WNK1: variants seen among roughly 807,000 people sequenced by gnomAD.
WNK1 encodes WNK lysine deficient protein kinase 1.
Under a neutral mutation model 222.8 loss-of-function variants are expected in WNK1, and 38 were observed. The ratio of observed to expected loss-of-function variants is 0.17; its 90% confidence interval spans 0.13 to 0.22. The LOEUF is 0.22. Among genes scored for constraint, WNK1 ranks in the 10% least tolerant of loss-of-function variants. The pLI, the probability that WNK1 is intolerant of heterozygous loss-of-function variation, is 1.00. For synonymous variants in WNK1, 1,090 were observed against 1,092.9 expected (o/e 1.00, Z 0.05); for missense variants, 2,348 against 2,918.4 (o/e 0.80, Z 4.50).
intron 1 of WNK1, among the ~76,000 whole-genome samples, chr12:780,328 A>G (rs1309372477): frequency 6.6e-6 from 1 of 152,222 alleles, no homozygotes; most frequent in East Asian, 1.9e-4. Context: ...AGATACACTG[A>G]TCACAAAAAT....
chr12:776,756 G>A lies in WNK1; in HGVS notation c.759+22432G>A, dbSNP rs182026568. 4.6e-3 allele frequency among the ~76,000 whole-genome samples: 706 copies of A among 152,216 alleles called. 6 individuals are homozygous for A. The highest frequency in any genetic ancestry group is 0.016 in the African/African-American group (677 of 41,532). Reference sequence around the variant, plus strand: ...AGATCTTAATGTGTTCTTGCTCTGCGTGGTGTTTGTACCTGGGCTGGTGCT... The same window carrying A: ...AGATCTTAATGTGTTCTTGCTCTGCATGGTGTTTGTACCTGGGCTGGTGCT... On this transcript the variant is annotated intron_variant, in intron 1 of 27. Coordinates refer to ENST00000315939, the MANE Select transcript of WNK1 (RefSeq NM_018979.4).
Position 759,413 on chromosome 12 carries a change from C to G in WNK1, c.759+5089C>G, listed in dbSNP as rs1054251270. On this transcript the variant is annotated intron_variant, in intron 1 of 27. Transcript: ENST00000315939. ...TGGCGCGATCTCGGCTCACTGCAAC[C>G]TCCACCTCCCGGGTTCCAGCAATGC... Among the ~76,000 whole-genome samples the G allele has an allele frequency of 2.0e-5, 3 of 147,374 alleles. 1 individual carries two copies. The highest frequency in any genetic ancestry group is 4.5e-5 in the Non-Finnish European group (3 of 66,028).
intron 8 of WNK1, chr12:869,300 G>C (rs1282173113): frequency 8.3e-6 from 6 of 722,030 alleles, no homozygotes; most frequent in Non-Finnish European, 1.4e-5. Context: ...GAAGCTACCT[G>C]ATTTACCTAT....
chr12:792,613 TGA>T (rs1347575699), intron 1 of WNK1, among the ~76,000 whole-genome samples: 2 of 152,146 alleles, frequency 1.3e-5, no homozygotes, highest in African/African-American at 4.8e-5. Flanking sequence ...CACGCCCGGC[TGA>T]TACTGTTATT....
In WNK1 at chr12:862,279, A is replaced by T; in HGVS notation, c.2139+9A>T. On this transcript the variant is annotated intron_variant, in intron 8 of 27. Coordinates refer to ENST00000315939, the MANE Select transcript of WNK1 (RefSeq NM_018979.4). The stretch of plus-strand genomic sequence containing the variant: ...ATCCACCCTCAAGTGTGGTAAGTAA[A>T]TGCTTAAGAGCATGTAATACTACAA... 6.2e-7 allele frequency: 1 copy of T among 1,613,880 alleles called. No individual in the cohort carries two copies. The highest frequency in any genetic ancestry group is 8.5e-7 in the Non-Finnish European group (1 of 1,179,798).
At chr12:806,934 T>C (rs569513763) in intron 1 of WNK1, among the ~76,000 whole-genome samples, 1 of 152,326 alleles carries the variant, frequency 6.6e-6, no homozygotes, top group East Asian at 1.9e-4. Context: ...TTGCATTTGT[T>C]GTAGAAATTC....
chr12:762,261 C>T (rs948925616), intron 1 of WNK1, among the ~76,000 whole-genome samples: 3 of 145,786 alleles, frequency 2.1e-5, no homozygotes, highest in East Asian at 2.0e-4. Flanking sequence ...GGTTTCATCA[C>T]GTTGGCCAGG....
At chr12:782,007 A>G (rs1490702021) in intron 1 of WNK1, among the ~76,000 whole-genome samples, 1 of 152,206 alleles carries the variant, frequency 6.6e-6, no homozygotes, top group Admixed American at 6.5e-5. Flanking sequence ...TTAACTTCTA[A>G]GGCTTTTTCT....
chr12:794,486 T>C (rs1175837448), intron 1 of WNK1, among the ~76,000 whole-genome samples: 4 of 145,708 alleles, frequency 2.7e-5, no homozygotes, highest in African/African-American at 1.0e-4. Flanking sequence ...GATGTTCCTT[T>C]TTCCTAGTTG....
intron 21 of WNK1, among the ~76,000 whole-genome samples, chr12:890,141 C>T (rs866386640): frequency 5.9e-5 from 9 of 151,474 alleles, no homozygotes; most frequent in Admixed American, 1.3e-4. Context: ...TTATTAGAGG[C>T]GGGGTTTCGC....
chr12:902,340 A>G (rs1006683973), intron 26 of WNK1, among the ~76,000 whole-genome samples: 8 of 152,104 alleles, frequency 5.3e-5, no homozygotes, highest in African/African-American at 1.7e-4. Context: ...ATTTTGACCA[A>G]TGATGCTCTT....
chr12:909,829 A>T lies in WNK1; in HGVS notation c.*1037A>T, dbSNP rs1955963618. On this transcript the variant is annotated 3_prime_UTR_variant, in exon 28 of 28. Coordinates refer to ENST00000315939, the MANE Select transcript of WNK1 (RefSeq NM_018979.4). ...CAGTGGTTATGCCAAAGGGAAATTGAAAAAGTATTTTTTTAAGTCATTCAA... is the reference window on the plus strand; with the variant it reads ...CAGTGGTTATGCCAAAGGGAAATTGTAAAAGTATTTTTTTAAGTCATTCAA... 6.6e-6 allele frequency: 1 copy of T among 152,220 alleles called. No homozygotes were observed. Among genetic ancestry groups the T allele is most frequent in the Non-Finnish European group, 1.5e-5 (1 of 68,040 alleles). 9.4% of individuals were successfully genotyped at this position (152,220 alleles called of 1,614,324 possible). A position where few individuals can be genotyped will look rare whatever the true frequency, so the allele number is the denominator to read the frequency against.
At chr12:760,826 C>T (rs1185302650) in intron 1 of WNK1, among the ~76,000 whole-genome samples, 2 of 146,200 alleles carry the variant, frequency 1.4e-5, no homozygotes, top group Admixed American at 6.8e-5. Context: ...AGTGCAGTGG[C>T]GTGATCTTGG....
In WNK1 at chr12:884,210, T is replaced by G. The variant is rs753548223; in HGVS notation, c.3811T>G (p.Ser1271Ala). 1 of 1,614,148 alleles carries G rather than the reference T, an allele frequency of 6.2e-7. No homozygotes were observed. The highest frequency in any genetic ancestry group is 1.1e-5 in the South Asian group (1 of 91,086). The change falls in exon 18 of 28, where the codon TCA (serine) becomes GCA (alanine). Residue 1271 changes from serine (S) to alanine (A), a missense_variant. Physicochemically the swap from Ser to Ala is moderately conservative, Grantham distance 99 (BLOSUM62 1). Around this residue, in one of 13 missense-constraint regions of WNK1, gnomAD observed 1,144 missense variants for 1,273.6 expected, o/e 0.90. Coordinates refer to ENST00000315939, the MANE Select transcript of WNK1 (RefSeq NM_018979.4). This position sits in a 1 kb window ranked among gnomAD's most constrained non-coding sequence, Gnocchi z 5.6. ...TGTGCCAGAAAGCCGATTACGAGAA[T>G]CAAAAGTTTTCCCCAGTGAAATAAC... ...SPVPESRLRE[S>A]KVFPSEITDT...
At chr12:777,337 C>T (rs10774459) in intron 1 of WNK1, among the ~76,000 whole-genome samples, 109,233 of 151,558 alleles carry the variant, frequency 0.72, 39,886 homozygotes, top group East Asian at 0.87. Flanking sequence ...TTTTTGTATT[C>T]TTAGTAGAGA....
intron 7 of WNK1, 126 bp from the exon 8 acceptor site, chr12:861,957 C>A: frequency 9.4e-7 from 1 of 1,063,012 alleles, no homozygotes; most frequent in Non-Finnish European, 1.4e-6. Context: ...TTATTTAGTT[C>A]AAATCTGTGC....
At chr12:873,818 C>T (rs1952374461) in intron 9 of WNK1, among the ~76,000 whole-genome samples, 1 of 152,070 alleles carries the variant, frequency 6.6e-6, no homozygotes, top group Non-Finnish European at 1.5e-5. Context: ...AGAACCATAT[C>T]TCTTGTTTTA....
At chr12:855,333 C>CT (rs954516573) in intron 4 of WNK1, among the ~76,000 whole-genome samples, 2 of 152,174 alleles carry the variant, frequency 1.3e-5, no homozygotes, top group Non-Finnish European at 2.9e-5. Context: ...GTCAGCCCTG[C>CT]TACACAGTTC....
At chr12:856,565 T>C (rs1331073229) in intron 4 of WNK1, among the ~76,000 whole-genome samples, 1 of 152,212 alleles carries the variant, frequency 6.6e-6, no homozygotes, top group Non-Finnish European at 1.5e-5. Flanking sequence ...TGAGTTTTCT[T>C]CTGAGATTAA....
Sources: allele counts gnomAD v4.1 joint callset (sites outside exome capture counted in the v4.1 genomes callset), GRCh38; gene constraint gnomAD v4.1.1; regional missense constraint gnomAD v4.1.1; non-coding constraint Gnocchi (gnomAD v3.1); transcripts MANE v1.5; gene names NCBI Gene and HGNC (gene_info 2026-07-23, HGNC 2026-07-21).